The following CSMD1 variants were observed in gnomAD, a reference collection of about 807,000 sequenced individuals.
CSMD1 encodes the protein CUB and Sushi multiple domains 1.
Under a neutral mutation model 417.5 loss-of-function variants are expected in CSMD1, and 213 were observed. The observed-to-expected ratio is 0.51, with a 90% confidence interval of 0.46 to 0.57. CSMD1 has a LOEUF of 0.57. CSMD1 is among the 20% of genes least tolerant of loss of function. The pLI is 0.00. For synonymous variants in CSMD1, 2,862 were observed against 1,736.8 expected, an observed-to-expected ratio of 1.65 and a Z score of -16.11; for missense variants, 6,923 against 4,529.7, an observed-to-expected ratio of 1.53 and a Z score of -15.17.
chr8:4,248,033 G>T (rs925464690), intron 3 of CSMD1, among the ~76,000 whole-genome samples: 1 of 152,156 alleles, frequency 6.6e-6, no homozygotes, highest in Non-Finnish European at 1.5e-5. Flanking sequence ...TTCATTTAGA[G>T]AAGTTATTTA....
At chr8:3,580,916 A>C (rs550752212) in intron 9 of CSMD1, among the ~76,000 whole-genome samples, 1 of 152,372 alleles carries the variant, frequency 6.6e-6, no homozygotes, top group Admixed American at 6.5e-5. Flanking sequence ...ATGAGTTCAC[A>C]AATTAAGAAT....
At chr8:4,992,251 C>G (rs1251327435) in intron 1 of CSMD1, among the ~76,000 whole-genome samples, 1 of 152,210 alleles carries the variant, frequency 6.6e-6, no homozygotes, top group Non-Finnish European at 1.5e-5. Flanking sequence ...CAGCCTCATC[C>G]TAGCGCTGCA....
intron 1 of CSMD1, among the ~76,000 whole-genome samples, chr8:4,855,255 C>G (rs1801728253): frequency 6.6e-6 from 1 of 151,226 alleles, no homozygotes; most frequent in South Asian, 2.1e-4. Context: ...ACATCAAAAA[C>G]CCATCTGTAC....
At chr8:3,463,612 C>T (rs571020443) in intron 12 of CSMD1, among the ~76,000 whole-genome samples, 1 of 152,326 alleles carries the variant, frequency 6.6e-6, no homozygotes, top group South Asian at 2.1e-4. Flanking sequence ...TCTACAAGGA[C>T]CAGTGAGCTG....
At chr8:4,414,573 T>C (rs538589428) in intron 3 of CSMD1, among the ~76,000 whole-genome samples, 1 of 152,122 alleles carries the variant, frequency 6.6e-6, no homozygotes, top group Non-Finnish European at 1.5e-5. Flanking sequence ...TCATATAATC[T>C]CTTTATCTTT....
chr8:3,312,814 T>A (rs1399584873), intron 23 of CSMD1, among the ~76,000 whole-genome samples: 2 of 138,976 alleles, frequency 1.4e-5, no homozygotes, highest in Admixed American at 7.4e-5. Context: ...GCAGTTAGAC[T>A]TCAATCTGGT....
chr8:3,438,886 C>G (rs1204988154), intron 12 of CSMD1, among the ~76,000 whole-genome samples: 1 of 151,622 alleles, frequency 6.6e-6, no homozygotes. Flanking sequence ...GAGGCCAAGG[C>G]AGGTGGATCA....
intron 2 of CSMD1, among the ~76,000 whole-genome samples, chr8:4,550,092 G>T (rs769374443): frequency 1.3e-5 from 2 of 151,632 alleles, no homozygotes; most frequent in Non-Finnish European, 2.9e-5. Context: ...GATAGGCGTG[G>T]GTTGCTCGGT....
chr8:4,672,162 G>A (rs1285066738), intron 1 of CSMD1, among the ~76,000 whole-genome samples: 1 of 152,178 alleles, frequency 6.6e-6, no homozygotes, highest in African/African-American at 2.4e-5. Flanking sequence ...AATACCTGCT[G>A]GCTTCCATTT....
intron 2 of CSMD1, among the ~76,000 whole-genome samples, chr8:4,450,926 G>C (rs1417419354): frequency 6.6e-6 from 1 of 151,952 alleles, no homozygotes; most frequent in Non-Finnish European, 1.5e-5. Context: ...GGAGAGGAAA[G>C]GGCCAATAAA....
chr8:4,295,690 T>G (rs145212554), intron 3 of CSMD1, among the ~76,000 whole-genome samples: 3,772 of 139,552 alleles, frequency 0.027, 85 homozygotes, highest in Middle Eastern at 0.06. Flanking sequence ...TTATACATGT[T>G]ATATATGTTA....
chr8:3,992,654 A>T (rs2554609), intron 5 of CSMD1, among the ~76,000 whole-genome samples: 77,109 of 151,868 alleles, frequency 0.51, 19,662 homozygotes, highest in Admixed American at 0.56. Flanking sequence ...AGGGTTCTGC[A>T]CCTGTAGTCC....
At chr8:4,243,114 G>A (rs958408641) in intron 3 of CSMD1, among the ~76,000 whole-genome samples, 1 of 152,042 alleles carries the variant, frequency 6.6e-6, no homozygotes, top group East Asian at 1.9e-4. Context: ...TGTTCACTGT[G>A]GAAAATCAGA....
At chr8:4,112,180 G>C (rs1396408813) in intron 3 of CSMD1, among the ~76,000 whole-genome samples, 3 of 152,312 alleles carry the variant, frequency 2.0e-5, no homozygotes, top group East Asian at 1.9e-4. Context: ...GTCTATAGCT[G>C]CTGAGCCATA....
intron 3 of CSMD1, among the ~76,000 whole-genome samples, chr8:4,167,196 G>T (rs573324456): frequency 1.3e-5 from 2 of 152,158 alleles, no homozygotes; most frequent in South Asian, 4.1e-4. Context: ...TTTCCAGAGG[G>T]CCTGTATTTT....
intron 1 of CSMD1, among the ~76,000 whole-genome samples, chr8:4,716,583 T>C (rs751605923): frequency 6.6e-6 from 1 of 152,252 alleles, no homozygotes; most frequent in Non-Finnish European, 1.5e-5. Flanking sequence ...GAATTTACTA[T>C]ATTCTTATAG....
At chr8:4,472,269 T>A (rs1800578395) in intron 2 of CSMD1, among the ~76,000 whole-genome samples, 1 of 152,156 alleles carries the variant, frequency 6.6e-6, no homozygotes, top group Admixed American at 6.5e-5. Flanking sequence ...TCAGATGCAG[T>A]CTCTTCTAAT....
chr8:3,308,270 G>A, intron 24 of CSMD1, 42 bp downstream of exon 24: 3 of 1,514,248 alleles, frequency 2.0e-6, no homozygotes, highest in Non-Finnish European at 2.7e-6. Flanking sequence ...AGCACCCTAA[G>A]GCCTGGCTTT....
chr8:4,144,676 G>A (rs1043978660), intron 3 of CSMD1, among the ~76,000 whole-genome samples: 1 of 150,974 alleles, frequency 6.6e-6, no homozygotes, highest in Non-Finnish European at 1.5e-5. Flanking sequence ...TCTATGTCCC[G>A]ACTGTGCGGT....
Sources: gnomAD v4.1 joint callset for allele counts (sites outside exome capture counted in the v4.1 genomes callset) on GRCh38, gnomAD v4.1.1 for gene constraint, MANE v1.5 for transcripts, NCBI Gene and HGNC (gene_info 2026-07-23, HGNC 2026-07-21) for gene names.